Variants in UBAP2L observed in about 807,000 individuals in gnomAD.
UBAP2L encodes ubiquitin-associated protein 2-like.
In UBAP2L, 12 loss-of-function variants were observed where a neutral mutation model predicts 130.6. That is an observed-to-expected ratio of 0.09 (90% CI 0.06 to 0.15). The LOEUF (loss-of-function observed/expected upper bound fraction) is 0.15, where lower values mean the gene tolerates loss of function less well. Among genes scored for constraint, UBAP2L ranks in the 10% least tolerant of loss-of-function variants. The pLI is 1.00. For synonymous variants in UBAP2L, 503 were observed against 524.7 expected, an observed-to-expected ratio of 0.96 and a Z score of 0.57; for missense variants, 965 against 1,332.5, an observed-to-expected ratio of 0.72 and a Z score of 4.29.
At chr1:154,259,199 C>CT (rs34806160) in intron 21 of UBAP2L, among the ~76,000 whole-genome samples, 169 bp downstream of exon 21, 5,616 of 149,720 alleles carry the variant, frequency 0.038, 177 homozygotes, top group Non-Finnish European at 0.05. Flanking sequence ...CAGAAGATAA[C>CT]TTTTTTTTTT....
At chr1:154,261,991 G>T (rs1179301568) in intron 24 of UBAP2L, among the ~76,000 whole-genome samples, 1 of 152,190 alleles carries the variant, frequency 6.6e-6, no homozygotes, top group Admixed American at 6.5e-5. Flanking sequence ...GGAGCCCCAA[G>T]ATTTTGCTGA....
intron 1 of UBAP2L, among the ~76,000 whole-genome samples, chr1:154,224,339 T>C (rs190790438): frequency 6.6e-6 from 1 of 152,358 alleles, no homozygotes; most frequent in East Asian, 1.9e-4. Flanking sequence ...ATTGCCATTT[T>C]GGTTTCTTGA....
chr1:154,247,049 A>G (rs905247893), intron 11 of UBAP2L, among the ~76,000 whole-genome samples: 2 of 152,216 alleles, frequency 1.3e-5, no homozygotes, highest in Non-Finnish European at 2.9e-5. Context: ...AGATGCTACA[A>G]GTACCAGTTT....
intron 24 of UBAP2L, among the ~76,000 whole-genome samples, chr1:154,262,951 T>C (rs1262180135): frequency 6.6e-6 from 1 of 152,094 alleles, no homozygotes; most frequent in African/African-American, 2.4e-5. Flanking sequence ...TATAAGAGAA[T>C]TGGCATACCT....
In UBAP2L at chr1:154,257,242, A is replaced by G. The variant is rs781201242; in HGVS notation, c.2337A>G (p.Ser779=). 7.4e-6 allele frequency: 12 copies of G among 1,613,848 alleles called. No individual in the cohort carries two copies. The East Asian group carries it at 2.7e-4, about 36-fold the overall frequency. The part of the protein sequence containing the change: ...NSTVTASTRS[S]VATTSGKAPP... ...CTGTCACAGCCTCGACTCGAAGCTC[A>G]GTTGCTACGACTTCAGGTAGCCTTG... Residue 779 remains serine, a synonymous_variant, in exon 19 of 27, where the codon TCA becomes TCG. Transcript: ENST00000428931.
chr1:154,234,637 A>C lies in UBAP2L; in HGVS notation c.326A>C (p.Lys109Thr). ...VGKKKGVSGQ[K>T]DGGQTESNEE... Reference sequence around the variant, plus strand: ...AAGAAGAAGGGAGTCTCAGGCCAGAAGGATGGTGGCCAGACGGAATCCAAT... The same window carrying C: ...AAGAAGAAGGGAGTCTCAGGCCAGACGGATGGTGGCCAGACGGAATCCAAT... The change falls in exon 5 of 27, where the codon AAG (lysine) becomes ACG (threonine). Residue 109 changes from lysine to threonine, a missense_variant. Physicochemically the swap from Lys to Thr is moderately conservative, Grantham distance 78 (BLOSUM62 -1). Transcript: ENST00000428931. The C allele has an allele frequency of 6.2e-7, 1 of 1,614,140 alleles. No individual in the cohort carries two copies. The highest frequency in any genetic ancestry group is 8.5e-7 in the Non-Finnish European group (1 of 1,179,998).
Position 154,268,756 on chromosome 1 carries a change from G to C in UBAP2L, c.2971-1G>C. ...CTGTCTCCTCCTGGCCTCCTGGATA[G>C]CAGTCCTTTGAGAAACAAGGTTTTC... On this transcript the variant is annotated splice_acceptor_variant, in intron 25 of 26. Transcript: ENST00000428931. LOFTEE classifies it high-confidence loss of function. 1 of 1,613,966 alleles carries C rather than the reference G, an allele frequency of 6.2e-7. No individual in the cohort carries two copies. Among genetic ancestry groups the C allele is most frequent in the Non-Finnish European group, 8.5e-7 (1 of 1,179,954 alleles).
chr1:154,248,545 G>T (rs183192073), intron 11 of UBAP2L, among the ~76,000 whole-genome samples: 1 of 152,212 alleles, frequency 6.6e-6, no homozygotes, highest in African/African-American at 2.4e-5. Flanking sequence ...GGCTGGGTGT[G>T]ATGGCTCACG....
At chr1:154,241,019 TG>T (rs1021056217) in intron 8 of UBAP2L, among the ~76,000 whole-genome samples, 32 of 146,794 alleles carry the variant, frequency 2.2e-4, no homozygotes, top group African/African-American at 8.1e-4. Flanking sequence ...CCTGGTACTC[TG>T]AGATATCCTT....
chr1:154,271,068 T>C, downstream of UBAP2L: 2 of 926,290 alleles, frequency 2.2e-6, no homozygotes, highest in Non-Finnish European at 1.6e-6. Context: ...CCTAAGACTT[T>C]CACAACCTGG....
intron 18 of UBAP2L, among the ~76,000 whole-genome samples, chr1:154,256,178 A>G (rs529628664): frequency 6.6e-6 from 1 of 152,292 alleles, no homozygotes; most frequent in East Asian, 1.9e-4. Context: ...CCAAGAGTCA[A>G]TTTTATTGTT....
At chr1:154,246,163 TTCAG>T (rs3838414) in intron 10 of UBAP2L, 37 bp from the exon 11 acceptor site, 704,753 of 1,576,438 alleles carry the variant, frequency 0.45, 161,927 homozygotes, top group Admixed American at 0.64. Context: ...TGTTAGCGTG[TTCAG>T]TCATTCTTCA....
At chr1:154,234,931 A>G (rs1030404109) in intron 5 of UBAP2L, 172 bp downstream of exon 5, 5 of 830,456 alleles carry the variant, frequency 6.0e-6, no homozygotes, top group South Asian at 3.5e-5. Flanking sequence ...TTTTCTACCA[A>G]CTGCCACCAG....
At chr1:154,251,415 G>C (rs879292471) in intron 13 of UBAP2L, 66 bp from the exon 14 acceptor site, 1 of 1,576,832 alleles carries the variant, frequency 6.3e-7, no homozygotes, top group Non-Finnish European at 8.6e-7. Context: ...AAAGGGAAGG[G>C]TTTTTTTTAG....
intron 12 of UBAP2L, 112 bp from the exon 13 acceptor site, chr1:154,250,929 A>G: frequency 1.8e-6 from 2 of 1,125,022 alleles, no homozygotes; most frequent in Non-Finnish European, 2.5e-6. Flanking sequence ...GGGCCTGCTT[A>G]TATGAGTTTC....
intron 1 of UBAP2L, among the ~76,000 whole-genome samples, chr1:154,223,475 T>C (rs1486578033): frequency 6.6e-6 from 1 of 152,176 alleles, no homozygotes; most frequent in East Asian, 1.9e-4. Context: ...TACGTATATA[T>C]GTGTATATGT....
intron 24 of UBAP2L, among the ~76,000 whole-genome samples, chr1:154,266,170 TTTA>T (rs1300697364): frequency 1.3e-5 from 2 of 152,084 alleles, no homozygotes; most frequent in Admixed American, 1.3e-4. Context: ...AAATTAAAAG[TTTA>T]TTATATTCCT....
At chr1:154,256,319 T>C (rs1679631280) in intron 18 of UBAP2L, among the ~76,000 whole-genome samples, 1 of 152,176 alleles carries the variant, frequency 6.6e-6, no homozygotes, top group Non-Finnish European at 1.5e-5. Flanking sequence ...GAGTCTCTAT[T>C]CAAATACACA....
downstream of UBAP2L, chr1:154,271,065 C>G (rs1684654018): frequency 3.2e-6 from 3 of 929,944 alleles, no homozygotes; most frequent in African/African-American, 5.0e-5. Flanking sequence ...ACCCCTAAGA[C>G]TTTCACAACC....
Sources: allele counts gnomAD v4.1 joint callset (sites outside exome capture counted in the v4.1 genomes callset), GRCh38; gene constraint gnomAD v4.1.1; transcripts MANE v1.5; gene names NCBI Gene and HGNC (gene_info 2026-07-23, HGNC 2026-07-21).